The following UBE2D3 variants were observed in gnomAD, a reference collection of about 807,000 sequenced individuals.
The protein encoded by UBE2D3 is ubiquitin conjugating enzyme E2 D3.
In UBE2D3, 2 loss-of-function variants were observed where a neutral mutation model predicts 22.8. The ratio of observed to expected loss-of-function variants is 0.09; its 90% confidence interval spans 0.04 to 0.28. The LOEUF is 0.28. Ranked by LOEUF, UBE2D3 falls within the 10% of genes least tolerant of loss-of-function variation. The probability of loss-of-function intolerance (pLI) is 1.00; values close to 1 mark genes in which losing one functional copy is unlikely to be tolerated. For synonymous variants in UBE2D3, 56 were observed against 60.4 expected (o/e 0.93, Z 0.34); for missense variants, 27 against 182.5 (o/e 0.15, Z 4.91).
chr4:102,806,331 C>G (rs1727035252), intron 4 of UBE2D3, among the ~76,000 whole-genome samples: 1 of 151,996 alleles, frequency 6.6e-6, no homozygotes, highest in South Asian at 2.1e-4. Context: ...TGCTCCCTAC[C>G]CTTCTTTTAT....
intron 1 of UBE2D3, among the ~76,000 whole-genome samples, chr4:102,866,152 G>A (rs1018413779): frequency 9.2e-5 from 14 of 152,096 alleles, no homozygotes; most frequent in African/African-American, 3.4e-4. Context: ...TTAAATTGGT[G>A]GAGTTAGGAA....
chr4:102,825,572 C>CT, intron 2 of UBE2D3: 1 of 1,198,062 alleles, frequency 8.3e-7, no homozygotes, highest in Admixed American at 3.4e-5. Context: ...GAAAATGAGA[C>CT]TAAACCACCG....
intron 2 of UBE2D3, among the ~76,000 whole-genome samples, chr4:102,823,044 T>C (rs1007044229): frequency 6.6e-6 from 1 of 152,244 alleles, no homozygotes; most frequent in Non-Finnish European, 1.5e-5. Flanking sequence ...TAGACGACTA[T>C]TTCTCTGAGC....
chr4:102,822,433 G>C (rs866497787), intron 2 of UBE2D3, among the ~76,000 whole-genome samples: 1 of 152,140 alleles, frequency 6.6e-6, no homozygotes, highest in East Asian at 1.9e-4. Context: ...GCAGTTAACT[G>C]GCACATGTTA....
intron 2 of UBE2D3, chr4:102,811,445 GCTGAGAAGGGTGGATCA>G (rs1728005686): frequency 6.2e-6 from 1 of 160,568 alleles, no homozygotes; most frequent in Non-Finnish European, 1.4e-5. Context: ...ACTTTGGGAG[GCTGAGAAGGGTGGATCA>G]CCTAAGGTCA....
chr4:102,837,680 A>G (rs1012620124), intron 1 of UBE2D3, among the ~76,000 whole-genome samples: 1 of 152,092 alleles, frequency 6.6e-6, no homozygotes. Flanking sequence ...GGCTGGGCGC[A>G]GTGGCTCACG....
intron 2 of UBE2D3, 115 bp downstream of exon 2, chr4:102,826,370 G>C: frequency 7.6e-7 from 1 of 1,310,956 alleles, no homozygotes; most frequent in Non-Finnish European, 1.1e-6. Context: ...CCCCATGGAA[G>C]AAGTGATCCA....
At chr4:102,814,457 CTTTTTTTT>C (rs574701413) in intron 2 of UBE2D3, among the ~76,000 whole-genome samples, 2 of 119,140 alleles carry the variant, frequency 1.7e-5, no homozygotes, top group Non-Finnish European at 3.4e-5. Flanking sequence ...CCTGGCTATT[CTTTTTTTT>C]TTTTTTTTTT....
At chr4:102,841,186 A>T (rs1005732802) in intron 1 of UBE2D3, among the ~76,000 whole-genome samples, 6 of 152,156 alleles carry the variant, frequency 3.9e-5, no homozygotes, top group Non-Finnish European at 8.8e-5. Flanking sequence ...TGAGGAGGGA[A>T]TACAAATTCC....
chr4:102,838,807 CAAAAAAAAAAAAA>C (rs145975514), intron 1 of UBE2D3, among the ~76,000 whole-genome samples: 1 of 54,312 alleles, frequency 1.8e-5, no homozygotes, highest in Non-Finnish European at 3.5e-5. Context: ...CTGTGCTGGG[CAAAAAAAAAAAAA>C]AAAAAAAAAA....
intron 3 of UBE2D3, 38 bp from the exon 4 acceptor site, chr4:102,809,741 C>G (rs1727657932): frequency 6.2e-7 from 1 of 1,612,992 alleles, no homozygotes; most frequent in African/African-American, 1.3e-5. Flanking sequence ...TCTAAAAATG[C>G]ACAAGCTTAA....
chr4:102,797,201 C>G lies in UBE2D3; in HGVS notation c.*214G>C. 2.3e-6 allele frequency: 1 copy of G among 438,838 alleles called. No homozygotes were observed. Among genetic ancestry groups the G allele is most frequent in the Non-Finnish European group, 4.1e-6 (1 of 244,232 alleles). The allele number at this position is 438,838 out of a possible 1,614,324, so 27.2% of individuals were successfully genotyped here. A position where few individuals can be genotyped will look rare whatever the true frequency, so the allele number is the denominator to read the frequency against. ...TTGGGCAACTGTTCTCTTGTAACTA[C>G]TTTACAGTTTCTAAAAGCAGTTATT... On this transcript the variant is annotated 3_prime_UTR_variant, in exon 8 of 8. Coordinates refer to ENST00000453744, the MANE Select transcript of UBE2D3 (RefSeq NM_181891.3).
intron 2 of UBE2D3, chr4:102,825,870 AG>A (rs1161482526): frequency 2.3e-5 from 10 of 444,122 alleles, no homozygotes; most frequent in Non-Finnish European, 4.1e-5. Flanking sequence ...TACAAAATAC[AG>A]GAAGTGGCAA....
At chr4:102,853,418 CTG>C (rs1264133045) in intron 1 of UBE2D3, among the ~76,000 whole-genome samples, 1 of 151,992 alleles carries the variant, frequency 6.6e-6, no homozygotes, top group Non-Finnish European at 1.5e-5. Flanking sequence ...AAGCTGAAGA[CTG>C]AAAACAATGT....
upstream of UBE2D3, chr4:102,828,024 T>C (rs1730859953): frequency 1.0e-6 from 1 of 985,266 alleles, no homozygotes; most frequent in Non-Finnish European, 1.2e-6. Flanking sequence ...TTAAGAGCAG[T>C]TTTGTGCGCT....
At chr4:102,805,907 TCAA>T (rs1560849116) in intron 4 of UBE2D3, among the ~76,000 whole-genome samples, 1 of 152,182 alleles carries the variant, frequency 6.6e-6, no homozygotes, top group Non-Finnish European at 1.5e-5. Context: ...GATCTCATCA[TCAA>T]CTTCTTCCTC....
chr4:102,868,705 A>G, intron 1 of UBE2D3: 1 of 1,614,034 alleles, frequency 6.2e-7, no homozygotes, highest in Non-Finnish European at 8.5e-7. Flanking sequence ...AGAGACAGCA[A>G]GAGACTCACT....
At position 102,833,901 on chromosome 4, in the gene UBE2D3, G is replaced by A. The variant is rs946151372; in HGVS notation, c.-128-7265C>T. 1.8e-4 allele frequency among the ~76,000 whole-genome samples: 27 copies of A among 152,270 alleles called. No individual in the cohort carries two copies. In the East Asian group the frequency reaches 3.9e-3, roughly 22 times the overall value. On this transcript the variant is annotated intron_variant, in intron 1 of 7. Transcript: ENST00000338145. ...ATTCCAAATTGATAACAGGAGGACC[G>A]ACCTACCCCTCTGCCCGCCAGAATT...
intron 2 of UBE2D3, among the ~76,000 whole-genome samples, chr4:102,822,472 A>G (rs1220821596): frequency 2.0e-5 from 3 of 152,228 alleles, no homozygotes; most frequent in African/African-American, 7.2e-5. Context: ...GACTACCCCA[A>G]AAGAATTAAA....
Sources: allele counts gnomAD v4.1 joint callset (sites outside exome capture counted in the v4.1 genomes callset), GRCh38; gene constraint gnomAD v4.1.1; transcripts MANE v1.5; gene names NCBI Gene and HGNC (gene_info 2026-07-23, HGNC 2026-07-21).